Variants in ANO3 observed in about 807,000 individuals in gnomAD.
The protein encoded by ANO3 is anoctamin 3.
ANO3 carries 99 observed loss-of-function variants against 144.8 expected under a neutral mutation model. That is an observed-to-expected ratio of 0.68 (90% CI 0.58 to 0.81). The LOEUF is 0.81. Among genes scored for constraint, ANO3 ranks in the 30% least tolerant of loss-of-function variants. The pLI is 0.00. For missense variants in ANO3, 905 were observed against 1,202.2 expected (o/e 0.75, Z 3.66); for synonymous variants, 414 against 392.6 (o/e 1.05, Z -0.64).
chr11:26,658,436 A>G (rs150970096), intron 26 of ANO3, among the ~76,000 whole-genome samples: 3,679 of 78,930 alleles, frequency 0.047, 55 homozygotes, highest in South Asian at 0.1. Context: ...ACATGGAGAA[A>G]CCCCGTCTCT....
intron 1 of ANO3, among the ~76,000 whole-genome samples, chr11:26,366,680 T>G (rs1275232518): frequency 2.6e-5 from 4 of 152,102 alleles, no homozygotes; most frequent in African/African-American, 9.7e-5. Context: ...CTAACTGGTG[T>G]GAGATGGTAT....
chr11:26,450,509 C>T (rs751442610), intron 3 of ANO3, among the ~76,000 whole-genome samples: 1 of 152,140 alleles, frequency 6.6e-6, no homozygotes, highest in South Asian at 2.1e-4. Context: ...ATGTATGGAC[C>T]ATTCATGAAT....
chr11:26,192,879 A>C (rs1851504937), intron 1 of ANO3, among the ~76,000 whole-genome samples: 1 of 152,154 alleles, frequency 6.6e-6, no homozygotes, highest in Admixed American at 6.5e-5. Flanking sequence ...AGATTGATGT[A>C]ATTAAAAATA....
chr11:26,235,002 A>AAGAGAGAGAGAGAGAGAGAGGG (rs1564928127), intron 1 of ANO3, among the ~76,000 whole-genome samples: 1 of 140,166 alleles, frequency 7.1e-6, no homozygotes, highest in African/African-American at 2.5e-5. Context: ...AGAGAAAAGA[A>AAGAGAGAGAGAGAGAGAGAGGG]AGAGAGAGAG....
intron 10 of ANO3, among the ~76,000 whole-genome samples, chr11:26,538,434 G>A (rs1056206994): frequency 2.6e-5 from 4 of 152,022 alleles, no homozygotes; most frequent in Non-Finnish European, 5.9e-5. Flanking sequence ...GTATTTTCCC[G>A]TTATTCTGAA....
intron 8 of ANO3, among the ~76,000 whole-genome samples, chr11:26,534,011 T>C (rs941815271): frequency 1.3e-5 from 2 of 152,146 alleles, no homozygotes; most frequent in African/African-American, 2.4e-5. Flanking sequence ...TGGTTCTTCA[T>C]TGCTACTCTT....
chr11:26,544,876 T>A (rs1849747674), intron 11 of ANO3, among the ~76,000 whole-genome samples: 1 of 151,940 alleles, frequency 6.6e-6, no homozygotes, highest in Non-Finnish European at 1.5e-5. Flanking sequence ...TTTTTTTTCT[T>A]AAAAAATTAT....
intron 1 of ANO3, among the ~76,000 whole-genome samples, chr11:26,297,268 T>C (rs1854116061): frequency 6.6e-6 from 1 of 151,890 alleles, no homozygotes; most frequent in Non-Finnish European, 1.5e-5. Context: ...CTTTTTTGTC[T>C]TGTTGATATT....
At chr11:26,609,576 A>G (rs28403415) in intron 17 of ANO3, among the ~76,000 whole-genome samples, 43,901 of 151,794 alleles carry the variant, frequency 0.29, 6,710 homozygotes, top group South Asian at 0.46. Flanking sequence ...GCCTGCAATC[A>G]CCGCTGCTTC....
intron 26 of ANO3, among the ~76,000 whole-genome samples, chr11:26,657,551 T>G (rs939371767): frequency 2.3e-4 from 35 of 152,038 alleles, no homozygotes; most frequent in African/African-American, 8.2e-4. Context: ...TCCATGTAAT[T>G]TCCTCACTAT....
intron 4 of ANO3, among the ~76,000 whole-genome samples, chr11:26,491,010 G>A (rs1333487224): frequency 6.6e-6 from 1 of 152,184 alleles, no homozygotes; most frequent in African/African-American, 2.4e-5. Flanking sequence ...TGTTCAGAAA[G>A]CAATTCTTTT....
At chr11:26,543,243 G>T (rs777925306) in intron 11 of ANO3, among the ~76,000 whole-genome samples, 1 of 152,026 alleles carries the variant, frequency 6.6e-6, no homozygotes, top group Non-Finnish European at 1.5e-5. Flanking sequence ...AGGAAGCAAG[G>T]GTAATAAACC....
chr11:26,230,328 C>T (rs1048474651), intron 1 of ANO3, among the ~76,000 whole-genome samples: 1 of 152,052 alleles, frequency 6.6e-6, no homozygotes, highest in African/African-American at 2.4e-5. Context: ...TCAACAAGAA[C>T]AAGTCAGCAC....
intron 7 of ANO3, among the ~76,000 whole-genome samples, chr11:26,529,701 A>G (rs1287385371): frequency 6.6e-6 from 1 of 151,410 alleles, no homozygotes; most frequent in East Asian, 2.0e-4. Context: ...ATAGTGTGTA[A>G]ATATTGCAAA....
chr11:26,576,551 C>G (rs1390917086), intron 14 of ANO3, among the ~76,000 whole-genome samples: 1 of 152,134 alleles, frequency 6.6e-6, no homozygotes, highest in Non-Finnish European at 1.5e-5. Flanking sequence ...TGAGTAAACT[C>G]TTCTTTATTT....
intron 1 of ANO3, among the ~76,000 whole-genome samples, chr11:26,253,716 G>A (rs1038054933): frequency 6.6e-6 from 1 of 152,048 alleles, no homozygotes; most frequent in African/African-American, 2.4e-5. Flanking sequence ...CTTATCCATG[G>A]CCAACAGTCA....
intron 4 of ANO3, among the ~76,000 whole-genome samples, chr11:26,492,681 G>T (rs969269177): frequency 6.6e-6 from 1 of 152,170 alleles, no homozygotes; most frequent in East Asian, 1.9e-4. Context: ...TTCATCGCTA[G>T]ATTTTGAGGC....
At chr11:26,582,016 C>T (rs1851147696) in intron 14 of ANO3, among the ~76,000 whole-genome samples, 1 of 152,106 alleles carries the variant, frequency 6.6e-6, no homozygotes, top group Admixed American at 6.5e-5. Context: ...GTACAACACT[C>T]TTATGAATAC....
intron 1 of ANO3, among the ~76,000 whole-genome samples, chr11:26,226,402 A>G (rs1852258407): frequency 6.6e-6 from 1 of 152,140 alleles, no homozygotes; most frequent in African/African-American, 2.4e-5. Flanking sequence ...ATTTTCTGTT[A>G]AAGATTATTT....
Sources: allele counts gnomAD v4.1 joint callset (sites outside exome capture counted in the v4.1 genomes callset), GRCh38; gene constraint gnomAD v4.1.1; transcripts MANE v1.5; gene names NCBI Gene and HGNC (gene_info 2026-07-23, HGNC 2026-07-21).